Variants in TUBB6 observed in about 807,000 individuals in gnomAD.
TUBB6 encodes the protein tubulin beta 6 class V, also known as tubulin beta-6 chain.
A neutral mutation model predicts 32.3 loss-of-function variants in TUBB6; 18 were observed. The ratio of observed to expected loss-of-function variants is 0.56; its 90% CI spans 0.39 to 0.83. The LOEUF (loss-of-function observed/expected upper bound fraction) is 0.83, where lower values mean the gene tolerates loss of function less well. Ranked by LOEUF, TUBB6 falls within the 40% of genes least tolerant of loss-of-function variation. The probability of loss-of-function intolerance (pLI) is 0.00; values close to 1 mark genes in which losing one functional copy is unlikely to be tolerated. For synonymous variants in TUBB6, 280 were observed against 265.8 expected, an observed-to-expected ratio of 1.05 and a Z score of -0.52; for missense variants, 480 against 632.0, an observed-to-expected ratio of 0.76 and a Z score of 2.58.
At position 12,308,331 on chromosome 18, in the gene TUBB6, G is replaced by T; in HGVS notation, c.39G>T (p.Gly13=). Residue 13 remains glycine (G), a synonymous_variant, in exon 1 of 4, where the codon GGG becomes GGT. Coordinates refer to ENST00000317702, the MANE Select transcript of TUBB6 (RefSeq NM_032525.3). ...EIVHIQAGQC[G]NQIGTKFWEV... Reference sequence around the variant, plus strand: ...TGCACATCCAGGCGGGCCAGTGCGGGAACCAGATCGGCACCAAGGTGGGCC... The same window carrying T: ...TGCACATCCAGGCGGGCCAGTGCGGTAACCAGATCGGCACCAAGGTGGGCC... 6.7e-7 allele frequency: 1 copy of T among 1,481,962 alleles called. No homozygotes were observed. The allele number at this position is 1,481,962 out of a possible 1,614,324, so 91.8% of individuals were successfully genotyped here.
chr18:12,311,388 G>A (rs1906375448), intron 3 of TUBB6, among the ~76,000 whole-genome samples: 3 of 152,128 alleles, frequency 2.0e-5, no homozygotes, highest in Admixed American at 1.3e-4. Flanking sequence ...ACGAGGTCAG[G>A]AGATCAAGAC....
At position 12,325,047 on chromosome 18, in the gene TUBB6, C is replaced by A; in HGVS notation, c.278-20C>A. The A allele has an allele frequency of 1.3e-6, 2 of 1,553,218 alleles. No individual in the cohort carries two copies. Among genetic ancestry groups the A allele is most frequent in the Non-Finnish European group, 8.7e-7 (1 of 1,146,868 alleles). On this transcript the variant is annotated intron_variant, in intron 3 of 3. Transcript: ENST00000317702. The stretch of plus-strand genomic sequence containing the variant: ...GCAGCCCTTTCCTGTTTAAACGGCA[C>A]GGGACTCTCTTTGTTGCAGGCCAGA...
At chr18:12,308,624 C>G in intron 1 of TUBB6, 63 bp from the exon 2 acceptor site, 4 of 1,246,286 alleles carry the variant, frequency 3.2e-6, no homozygotes, top group Non-Finnish European at 4.6e-6. Flanking sequence ...GGGGTGGGCG[C>G]GGGTGGCGGC....
intron 2 of TUBB6, among the ~76,000 whole-genome samples, chr18:12,309,409 C>T (rs899148779): frequency 1.4e-5 from 2 of 142,420 alleles, no homozygotes; most frequent in African/African-American, 2.6e-5. Flanking sequence ...CCCCCCCCCC[C>T]CCCCCAGTTT....
At chr18:12,312,771 G>A (rs1377280193) in intron 3 of TUBB6, among the ~76,000 whole-genome samples, 6 of 151,994 alleles carry the variant, frequency 3.9e-5, no homozygotes, top group Admixed American at 1.3e-4. Flanking sequence ...AGGCCAAGGC[G>A]GGCGGATCAC....
chr18:12,314,433 G>T (rs1906560862), intron 3 of TUBB6, among the ~76,000 whole-genome samples: 1 of 152,030 alleles, frequency 6.6e-6, no homozygotes, highest in South Asian at 2.1e-4. Context: ...CGTAGTCTCA[G>T]TAAGCTTTAC....
intron 3 of TUBB6, among the ~76,000 whole-genome samples, chr18:12,324,243 G>A (rs1479241861): frequency 6.6e-6 from 1 of 151,932 alleles, no homozygotes; most frequent in African/African-American, 2.4e-5. Context: ...GGTGGCAGGC[G>A]CCTGTAGTCC....
intron 3 of TUBB6, among the ~76,000 whole-genome samples, chr18:12,314,280 C>T (rs903886282): frequency 1.3e-5 from 2 of 151,976 alleles, no homozygotes; most frequent in Non-Finnish European, 2.9e-5. Context: ...TAAGAATCTG[C>T]GAGAAGAAAT....
chr18:12,329,601 C>G, downstream of TUBB6: 1 of 1,614,190 alleles, frequency 6.2e-7, no homozygotes, highest in Non-Finnish European at 8.5e-7. Context: ...GCTCCTCTTT[C>G]TCCTTTTCCC....
chr18:12,322,793 G>GA (rs892297918), intron 3 of TUBB6, among the ~76,000 whole-genome samples: 1 of 151,784 alleles, frequency 6.6e-6, no homozygotes, highest in Non-Finnish European at 1.5e-5. Context: ...GAATTAATAG[G>GA]AAAAAAATAG....
At chr18:12,318,756 T>TTTTGTTTG (rs56312490) in intron 3 of TUBB6, among the ~76,000 whole-genome samples, 118,304 of 150,476 alleles carry the variant, frequency 0.79, 47,763 homozygotes, top group Non-Finnish European at 0.88. Flanking sequence ...AAATGTGTGG[T>TTTTGTTTG]TTTGTTTGTT....
chr18:12,324,874 C>T, intron 3 of TUBB6, 193 bp from the exon 4 acceptor site: 1 of 1,397,620 alleles, frequency 7.2e-7, no homozygotes, highest in Non-Finnish European at 9.3e-7. Flanking sequence ...TGACCAGTAG[C>T]TACTTTGACT....
downstream of TUBB6, among the ~76,000 whole-genome samples, chr18:12,327,913 G>A (rs750905640): frequency 2.0e-5 from 3 of 152,246 alleles, no homozygotes; most frequent in Non-Finnish European, 4.4e-5. Context: ...TGGATAAGGA[G>A]TAGAGAGCGT....
At chr18:12,323,249 T>TGAAA (rs1263792295) in intron 3 of TUBB6, among the ~76,000 whole-genome samples, 1 of 152,132 alleles carries the variant, frequency 6.6e-6, no homozygotes, top group Non-Finnish European at 1.5e-5. Flanking sequence ...CAGCAATGTA[T>TGAAA]GAAAGCCATT....
In TUBB6 at chr18:12,326,174, T is replaced by G. The variant is rs554247183; in HGVS notation, c.*44T>G. 2.3e-5 allele frequency: 37 copies of G among 1,575,006 alleles called. No homozygotes were observed. In the East Asian group the frequency reaches 7.4e-4, roughly 32 times the overall value. On this transcript the variant is annotated 3_prime_UTR_variant, in exon 4 of 4. Coordinates refer to ENST00000317702, the MANE Select transcript of TUBB6 (RefSeq NM_032525.3). ...AACTCAGATCCTACAACACGCAAGT[T>G]CCTTCTTGAACCCTGGTGCCTCCTA...
rs775912064 is a variant in TUBB6, at chr18:12,308,319, G to C, written c.27G>C (p.Ala9=). 9 of 1,482,288 alleles carry C rather than the reference G, an allele frequency of 6.1e-6. No homozygotes were observed. The highest frequency in any genetic ancestry group is 6.3e-6 in the Non-Finnish European group (7 of 1,111,936). The allele number at this position is 1,482,288 out of a possible 1,614,324, so 91.8% of individuals were successfully genotyped here. A position where few individuals can be genotyped will look rare whatever the true frequency, so the allele number is the denominator to read the frequency against. Residue 9 remains alanine, a synonymous_variant, in exon 1 of 4, where the codon GCG becomes GCC. Coordinates refer to ENST00000317702, the MANE Select transcript of TUBB6 (RefSeq NM_032525.3). ...TGAGGGAGATCGTGCACATCCAGGC[G>C]GGCCAGTGCGGGAACCAGATCGGCA... MREIVHIQ[A]GQCGNQIGTK... is the part of the protein sequence containing the mutation.
chr18:12,329,669 C>T, downstream of TUBB6: 1 of 1,614,200 alleles, frequency 6.2e-7, no homozygotes, highest in East Asian at 2.2e-5. Context: ...TCCAAGCTGC[C>T]AGTGCCTTCC....
At chr18:12,329,562 C>T, downstream of TUBB6, 4 of 1,613,638 alleles carry the variant, frequency 2.5e-6, no homozygotes, top group Admixed American at 3.3e-5. Flanking sequence ...TCCCTCTGGG[C>T]CTCTAGTTGG....
chr18:12,329,289 C>A, downstream of TUBB6: 1 of 695,648 alleles, frequency 1.4e-6, no homozygotes, highest in Non-Finnish European at 2.6e-6. Flanking sequence ...CAGGGTCCAG[C>A]CTCGGCCACT....
Sources: allele counts gnomAD v4.1 joint callset (sites outside exome capture counted in the v4.1 genomes callset), GRCh38; gene constraint gnomAD v4.1.1; transcripts MANE v1.5; gene names NCBI Gene and HGNC (gene_info 2026-07-23, HGNC 2026-07-21).